GPR137C: variants seen among roughly 807,000 people sequenced by gnomAD.
GPR137C encodes the protein G protein-coupled receptor 137C.
GPR137C carries 27 observed loss-of-function variants against 43.4 expected under a neutral mutation model. The ratio of observed to expected loss-of-function variants is 0.62; its 90% CI spans 0.46 to 0.86. GPR137C has a LOEUF of 0.86. GPR137C is among the 40% of genes least tolerant of loss of function. The probability of loss-of-function intolerance (pLI) is 0.00; values close to 1 mark genes in which losing one functional copy is unlikely to be tolerated. For synonymous variants in GPR137C, 285 were observed against 226.9 expected (o/e 1.26, Z -2.30); for missense variants, 522 against 534.6 (o/e 0.98, Z 0.23).
chr14:52,584,644 C>T (rs929715731), intron 1 of GPR137C, among the ~76,000 whole-genome samples: 1 of 152,158 alleles, frequency 6.6e-6, no homozygotes, highest in Non-Finnish European at 1.5e-5. Context: ...CAGGATCTCG[C>T]CCTGTTGCCC....
intron 3 of GPR137C, among the ~76,000 whole-genome samples, chr14:52,627,865 A>G (rs1437447196): frequency 2.0e-5 from 3 of 152,218 alleles, no homozygotes; most frequent in Admixed American, 6.6e-5. Flanking sequence ...TATATTAAAA[A>G]TAAAAAATAA....
At chr14:52,553,710 C>G (rs1045019775) in intron 1 of GPR137C, 119 bp downstream of exon 1, 8 of 817,118 alleles carry the variant, frequency 9.8e-6, no homozygotes, top group African/African-American at 1.7e-5. Context: ...TGGAAACCAG[C>G]CTGGGGAAAC....
chr14:52,564,018 G>A (rs1050491066), intron 1 of GPR137C, among the ~76,000 whole-genome samples: 7 of 152,020 alleles, frequency 4.6e-5, no homozygotes, highest in South Asian at 4.1e-4. Flanking sequence ...GCTCACACCC[G>A]TAATCCCAGC....
chr14:52,569,672 A>T (rs1278312947), intron 1 of GPR137C, among the ~76,000 whole-genome samples: 2 of 151,824 alleles, frequency 1.3e-5, no homozygotes, highest in Non-Finnish European at 2.9e-5. Context: ...CAAATCTATC[A>T]AGCAGAAGAA....
chr14:52,599,434 C>CTTTTTTTTTTTTTTTT (rs376009711), intron 2 of GPR137C, among the ~76,000 whole-genome samples: 1 of 139,728 alleles, frequency 7.2e-6, no homozygotes, highest in Non-Finnish European at 1.5e-5. Context: ...TTTTTTTTTC[C>CTTTTTTTTTTTTTTTT]TTTTTTTTTT....
At chr14:52,566,672 T>C (rs1261392432) in intron 1 of GPR137C, among the ~76,000 whole-genome samples, 2 of 152,186 alleles carry the variant, frequency 1.3e-5, no homozygotes, top group Non-Finnish European at 2.9e-5. Context: ...AAAAGTGATA[T>C]GATTACCTGC....
chr14:52,600,097 A>T lies in GPR137C; in HGVS notation c.489-16A>T, dbSNP rs1389077113. Reference sequence around the variant, plus strand: ...TATTAGTTATATAACCATCTAATATACTTTTTTTCTTTCAGAATTCTACTG... The same window carrying T: ...TATTAGTTATATAACCATCTAATATTCTTTTTTTCTTTCAGAATTCTACTG... On this transcript the variant is annotated splice_polypyrimidine_tract_variant and intron_variant, in intron 2 of 6. Coordinates refer to ENST00000321662, the MANE Select transcript of GPR137C (RefSeq NM_001099652.2). 1.3e-6 allele frequency: 2 copies of T among 1,541,256 alleles called. No homozygotes were observed. Among genetic ancestry groups the T allele is most frequent in the Non-Finnish European group, 1.8e-6 (2 of 1,114,826 alleles).
At chr14:52,582,934 A>C (rs1594789850) in intron 1 of GPR137C, among the ~76,000 whole-genome samples, 1 of 152,196 alleles carries the variant, frequency 6.6e-6, no homozygotes, top group East Asian at 1.9e-4. Flanking sequence ...AATATCCTAA[A>C]ATAATATTTT....
chr14:52,631,313 A>G lies in GPR137C; in HGVS notation c.718-847A>G, dbSNP rs547141849. Among the ~76,000 whole-genome samples, 5 of 152,300 alleles carry G rather than the reference A, an allele frequency of 3.3e-5. No individual in the cohort carries two copies. In the East Asian group the frequency reaches 9.6e-4, roughly 29 times the overall value. ...CATCTAGCATCCCTGGACGTTGTGC[A>G]CTAAATGCCATAATTGCCCCTTAAT... is the stretch of plus-strand genomic sequence containing the variant. On this transcript the variant is annotated intron_variant, in intron 3 of 6. Coordinates refer to ENST00000321662, the MANE Select transcript of GPR137C (RefSeq NM_001099652.2).
At chr14:52,589,240 AGTT>A (rs1407490070) in intron 1 of GPR137C, among the ~76,000 whole-genome samples, 6 of 152,252 alleles carry the variant, frequency 3.9e-5, no homozygotes, top group East Asian at 1.9e-4. Context: ...GGGAATGGGG[AGTT>A]GTTGTTTAAT....
chr14:52,561,197 T>C (rs1272624457), intron 1 of GPR137C, among the ~76,000 whole-genome samples: 1 of 152,194 alleles, frequency 6.6e-6, no homozygotes, highest in Non-Finnish European at 1.5e-5. Flanking sequence ...CCACACCAAC[T>C]ATTGGCCAAA....
At position 52,632,322 on chromosome 14, in the gene GPR137C, C is replaced by G; in HGVS notation, c.867+13C>G. 1 of 1,579,278 alleles carries G rather than the reference C, an allele frequency of 6.3e-7. No individual in the cohort carries two copies. ...TCTTTCAGATAAGGTAAATACCTAC[C>G]ACGTATTGCCAGTCTAACAATGTGA... On this transcript the variant is annotated intron_variant, in intron 4 of 6. Coordinates refer to ENST00000321662, the MANE Select transcript of GPR137C (RefSeq NM_001099652.2).
intron 1 of GPR137C, among the ~76,000 whole-genome samples, chr14:52,596,593 T>C (rs1267995060): frequency 1.3e-5 from 2 of 152,158 alleles, no homozygotes; most frequent in Non-Finnish European, 2.9e-5. Context: ...TGCGCTAGCA[T>C]TGAGCAAGGC....
intron 1 of GPR137C, among the ~76,000 whole-genome samples, chr14:52,583,296 A>G (rs1238061647): frequency 6.6e-6 from 1 of 152,216 alleles, no homozygotes; most frequent in Non-Finnish European, 1.5e-5. Flanking sequence ...TTAACTCATG[A>G]TCATGTCCTG....
At chr14:52,569,865 T>C (rs138342590) in intron 1 of GPR137C, among the ~76,000 whole-genome samples, 53 of 151,728 alleles carry the variant, frequency 3.5e-4, no homozygotes, top group African/African-American at 1.3e-3. Flanking sequence ...CTTCAGGATA[T>C]TATCCTGAAG....
intron 1 of GPR137C, among the ~76,000 whole-genome samples, chr14:52,568,168 G>A (rs929316905): frequency 2.6e-5 from 4 of 152,118 alleles, no homozygotes; most frequent in Non-Finnish European, 5.9e-5. Context: ...CAGAAGCAGG[G>A]TGGGGCGTCA....
chr14:52,580,760 A>G (rs2038631552), intron 1 of GPR137C, among the ~76,000 whole-genome samples: 1 of 148,652 alleles, frequency 6.7e-6, no homozygotes, highest in Non-Finnish European at 1.5e-5. Context: ...CTGTAAATAT[A>G]TATATTTTTT....
At chr14:52,595,144 A>G (rs1301592218) in intron 1 of GPR137C, among the ~76,000 whole-genome samples, 1 of 151,848 alleles carries the variant, frequency 6.6e-6, no homozygotes, top group African/African-American at 2.4e-5. Context: ...TGAATATTGA[A>G]CCCCACTCTT....
intron 3 of GPR137C, among the ~76,000 whole-genome samples, chr14:52,607,613 T>C (rs1185702478): frequency 1.3e-5 from 2 of 152,226 alleles, no homozygotes; most frequent in African/African-American, 4.8e-5. Context: ...CAGTGGTTCA[T>C]GCCTGTAATC....
Sources: gnomAD v4.1 joint callset for allele counts (sites outside exome capture counted in the v4.1 genomes callset) on GRCh38, gnomAD v4.1.1 for gene constraint, MANE v1.5 for transcripts, NCBI Gene and HGNC (gene_info 2026-07-23, HGNC 2026-07-21) for gene names.